Variants in ZC3H12D observed in about 807,000 individuals in gnomAD.
ZC3H12D encodes probable ribonuclease ZC3H12D.
ZC3H12D carries 11 observed loss-of-function variants against 24.2 expected under a neutral mutation model. That is an observed-to-expected ratio of 0.46 (90% CI 0.29 to 0.75). The LOEUF (loss-of-function observed/expected upper bound fraction) is 0.75, where lower values mean the gene tolerates loss of function less well. Among genes scored for constraint, ZC3H12D ranks in the 30% least tolerant of loss-of-function variants. ZC3H12D has a pLI of 0.11. For synonymous variants in ZC3H12D, 333 were observed against 341.8 expected (o/e 0.97, Z 0.28); for missense variants, 740 against 767.7 (o/e 0.96, Z 0.43).
At chr6:149,466,744 C>T (rs1336277517) in intron 2 of ZC3H12D, among the ~76,000 whole-genome samples, 1 of 151,986 alleles carries the variant, frequency 6.6e-6, no homozygotes, top group African/African-American at 2.4e-5. Flanking sequence ...GGCGTGGTGG[C>T]GCATGCCTGT....
chr6:149,478,813 C>T (rs1390362235), intron 1 of ZC3H12D, among the ~76,000 whole-genome samples: 2 of 152,136 alleles, frequency 1.3e-5, no homozygotes, highest in East Asian at 1.9e-4. Context: ...GCCATCTTCA[C>T]CCCATACCTG....
At chr6:149,476,314 G>A (rs905256429) in intron 1 of ZC3H12D, among the ~76,000 whole-genome samples, 1 of 152,160 alleles carries the variant, frequency 6.6e-6, no homozygotes, top group African/African-American at 2.4e-5. Flanking sequence ...AGACCGGCCT[G>A]GCCAACATGG....
Position 149,474,344 on chromosome 6 carries a change from G to A in ZC3H12D, c.200C>T (p.Pro67Leu), listed in dbSNP as rs370985020. Residue 67 changes from proline to leucine, a missense_variant, in exon 2 of 6, where the codon CCG (proline) becomes CTG (leucine). By Grantham distance (98) the Pro-to-Leu change is moderately conservative. Coordinates refer to ENST00000409806, the MANE Select transcript of ZC3H12D (RefSeq NM_207360.3). ...CCCCGGGCCACGCTGGGCAGAGTCC[G>A]GGACCCCACAGGAGCCCCGAGGCAC... ...RLVPRGSCGV[P>L]DSAQRGPGTA... The A allele has an allele frequency of 1.9e-5, 31 of 1,605,596 alleles. No individual in the cohort carries two copies. The highest frequency in any genetic ancestry group is 2.4e-5 in the Non-Finnish European group (28 of 1,174,368).
In ZC3H12D at chr6:149,449,764, AGAAG is replaced by A. The variant is rs1320664121; in HGVS notation, c.*915_*918del. On this transcript the variant is annotated 3_prime_UTR_variant, in exon 6 of 6. Transcript: ENST00000409806. ...GAGACTCTGTCTGTTTAAAAAAAGA[AGAAG>A]AAGAAGAAGTAAAAGAAGGCAGCTC... The A allele has an allele frequency of 6.6e-6, 1 of 152,206 alleles. No individual in the cohort carries two copies. The highest frequency in any genetic ancestry group is 1.5e-5 in the Non-Finnish European group (1 of 68,060). 9.4% of individuals were successfully genotyped at this position (152,206 alleles called of 1,614,324 possible).
Position 149,474,399 on chromosome 6 carries a change from C to T in ZC3H12D, c.145G>A (p.Ala49Thr). ...CTGGGTGCAGCCGGGTGCTCCAGGGCACCCGGGCGGCTGCCCGTGCGGATA... is the reference window on the plus strand; with the variant it reads ...CTGGGTGCAGCCGGGTGCTCCAGGGTACCCGGGCGGCTGCCCGTGCGGATA... ...ELIRTGSRPG[A>T]LEHPAAPRLV... The change falls in exon 2 of 6, where the codon GCC (alanine) becomes ACC (threonine). Residue 49 changes from alanine (A) to threonine (T), a missense_variant. Transcript: ENST00000409806. 1 of 1,608,344 alleles carries T rather than the reference C, an allele frequency of 6.2e-7. No homozygotes were observed. The highest frequency in any genetic ancestry group is 8.5e-7 in the Non-Finnish European group (1 of 1,175,736).
chr6:149,473,627 G>A (rs781680406), intron 2 of ZC3H12D, among the ~76,000 whole-genome samples: 1 of 152,212 alleles, frequency 6.6e-6, no homozygotes, highest in Non-Finnish European at 1.5e-5. Flanking sequence ...CGCATCTGCA[G>A]CTCAGGGGGC....
rs1216427251 is a variant in ZC3H12D, at chr6:149,450,835, G to A, written c.1432C>T (p.Arg478Cys). 1.9e-6 allele frequency: 3 copies of A among 1,545,830 alleles called. No homozygotes were observed. The highest frequency in any genetic ancestry group is 2.6e-6 in the Non-Finnish European group (3 of 1,146,686). ...TAGAGCGCGATGCGAGCCCGGGCGC[G>A]CGCGTCCCCCTCGTCGTCCTCGGTC... ...YATEDDEGDA[R>C]ARARIALYSV... is the part of the protein sequence containing the mutation. Residue 478 changes from arginine (R) to cysteine (C), a missense_variant, in exon 6 of 6, where the codon CGC becomes TGC. Coordinates refer to ENST00000409806, the MANE Select transcript of ZC3H12D (RefSeq NM_207360.3).
Position 149,449,051 on chromosome 6 carries a change from G to T in ZC3H12D, c.*1632C>A, listed in dbSNP as rs1330284424. Reference sequence around the variant, plus strand: ...GAGGGCTGGCATGGTAACCAGAATGGGTGGATGCTGCCAGGAGAGGCCAGG... The same window carrying T: ...GAGGGCTGGCATGGTAACCAGAATGTGTGGATGCTGCCAGGAGAGGCCAGG... On this transcript the variant is annotated 3_prime_UTR_variant, in exon 6 of 6. Coordinates refer to ENST00000409806, the MANE Select transcript of ZC3H12D (RefSeq NM_207360.3). 6.6e-6 allele frequency: 1 copy of T among 152,268 alleles called. No homozygotes were observed. Among genetic ancestry groups the T allele is most frequent in the Non-Finnish European group, 1.5e-5 (1 of 68,072 alleles). The allele number at this position is 152,268 out of a possible 1,614,324, so 9.4% of individuals were successfully genotyped here.
chr6:149,476,073 C>T (rs1001036909), intron 1 of ZC3H12D, among the ~76,000 whole-genome samples: 2 of 152,198 alleles, frequency 1.3e-5, no homozygotes, highest in African/African-American at 4.8e-5. Flanking sequence ...TTTCCGCACC[C>T]CTCTAGTGCT....
At position 149,456,849 on chromosome 6, in the gene ZC3H12D, G is replaced by C; in HGVS notation, c.497C>G (p.Pro166Arg). 1 of 1,608,956 alleles carries C rather than the reference G, an allele frequency of 6.2e-7. No homozygotes were observed. The highest frequency in any genetic ancestry group is 8.5e-7 in the Non-Finnish European group (1 of 1,179,670). Reference protein sequence around the residue: ...LERQAVLVYTPSRKVHGKRLV... With the variant: ...LERQAVLVYTRSRKVHGKRLV... ...GCGCTTGCCGTGCACCTTGCGGGACGGCGTGTACACCAGCACCGCCTGCCG... is the reference window on the plus strand; with the variant it reads ...GCGCTTGCCGTGCACCTTGCGGGACCGCGTGTACACCAGCACCGCCTGCCG... Residue 166 changes from proline to arginine, a missense_variant, in exon 4 of 6, where the codon CCG (proline) becomes CGG (arginine). Pro to Arg is a moderately radical substitution (Grantham distance 103, BLOSUM62 -2). Transcript: ENST00000409806. The surrounding 1 kb of genome is among the most constrained non-coding windows in gnomAD (Gnocchi z 4.3).
chr6:149,456,674 G>A lies in ZC3H12D; in HGVS notation c.672C>T (p.Val224=). 6.4e-7 allele frequency: 1 copy of A among 1,558,500 alleles called. No homozygotes were observed. Among genetic ancestry groups the A allele is most frequent in the Non-Finnish European group, 8.7e-7 (1 of 1,143,618 alleles). Residue 224 remains valine, a synonymous_variant, in exon 4 of 6, where the codon GTC becomes GTT. Coordinates refer to ENST00000409806, the MANE Select transcript of ZC3H12D (RefSeq NM_207360.3). The surrounding 1 kb of genome is among the most constrained non-coding windows in gnomAD (Gnocchi z 4.3). ...IEQRLLMFSF[V]NDRFMPPDDP... ...ACCCCAGCCGGACCTACCGGTCGTT[G>A]ACGAAGGAGAACATGAGCAGCCTCT...
rs552038438 is a variant in ZC3H12D, at chr6:149,452,594, C to T, written c.787+22G>A. 5 of 1,511,226 alleles carry T rather than the reference C, an allele frequency of 3.3e-6. No individual in the cohort carries two copies. The highest frequency in any genetic ancestry group is 1.4e-5 in the African/African-American group (1 of 71,822). 93.6% of individuals were successfully genotyped at this position (1,511,226 alleles called of 1,614,324 possible). ...CACACAAGGCCCTGAACAGGGCCTG[C>T]GAAGCACTGGGCCCTACCCACCATA... is the stretch of plus-strand genomic sequence containing the variant. On this transcript the variant is annotated intron_variant, in intron 5 of 5. Coordinates refer to ENST00000409806, the MANE Select transcript of ZC3H12D (RefSeq NM_207360.3). This position sits in a 1 kb window ranked among gnomAD's most constrained non-coding sequence, Gnocchi z 4.0.
intron 2 of ZC3H12D, among the ~76,000 whole-genome samples, chr6:149,464,860 C>T (rs957353014): frequency 4.6e-5 from 7 of 152,052 alleles, no homozygotes; most frequent in South Asian, 2.1e-4. Context: ...GGAATGAGCC[C>T]GGGCAACAGG....
At chr6:149,460,548 G>C (rs2341772) in intron 3 of ZC3H12D, among the ~76,000 whole-genome samples, 2,912 of 152,166 alleles carry the variant, frequency 0.019, 198 homozygotes, top group Admixed American at 0.13. Flanking sequence ...ACAAAAACTA[G>C]CTAGGGCAGG....
chr6:149,456,253 A>AAAAATAAAAT lies in ZC3H12D; in HGVS notation c.680+403_680+412dup, dbSNP rs200879087. On this transcript the variant is annotated intron_variant, in intron 4 of 5. Transcript: ENST00000409806. This position sits in a 1 kb window ranked among gnomAD's most constrained non-coding sequence, Gnocchi z 4.3. ...GGTGACAGAGCAAGACTCCATCTCA[A>AAAAATAAAAT]AAAATAAAATAAAATAAAATAAAAT... Among the ~76,000 whole-genome samples, 16,042 of 149,970 alleles carry AAAAATAAAAT rather than the reference A, an allele frequency of 0.11. 1,048 individuals carry two copies. Among genetic ancestry groups the AAAAATAAAAT allele is most frequent in the Non-Finnish European group, 0.14 (9,544 of 67,478 alleles).
chr6:149,455,954 T>TAAA (rs368705273), intron 4 of ZC3H12D, among the ~76,000 whole-genome samples: 26 of 141,924 alleles, frequency 1.8e-4, no homozygotes, highest in African/African-American at 6.0e-4. Flanking sequence ...AATTTTGATT[T>TAAA]AAAAAAAAAA....
chr6:149,469,382 C>A (rs941789414), intron 2 of ZC3H12D, among the ~76,000 whole-genome samples: 5 of 151,844 alleles, frequency 3.3e-5, no homozygotes, highest in Non-Finnish European at 7.4e-5. Flanking sequence ...GGCGTGAACC[C>A]GGGAGGCGGA....
chr6:149,464,513 T>C (rs963344803), intron 2 of ZC3H12D, among the ~76,000 whole-genome samples: 1 of 152,162 alleles, frequency 6.6e-6, no homozygotes, highest in African/African-American at 2.4e-5. Flanking sequence ...CCTAGACTCC[T>C]GCAGATCCCT....
In ZC3H12D at chr6:149,456,655, G is replaced by A; in HGVS notation, c.680+11C>T. On this transcript the variant is annotated intron_variant, in intron 4 of 5. Coordinates refer to ENST00000409806, the MANE Select transcript of ZC3H12D (RefSeq NM_207360.3). This position sits in a 1 kb window ranked among gnomAD's most constrained non-coding sequence, Gnocchi z 4.3. Reference sequence around the variant, plus strand: ...CGCCCCCCAGGGTGTCAGGACCCCAGCCGGACCTACCGGTCGTTGACGAAG... The same window carrying A: ...CGCCCCCCAGGGTGTCAGGACCCCAACCGGACCTACCGGTCGTTGACGAAG... The A allele has an allele frequency of 9.1e-7, 1 of 1,094,952 alleles. No individual in the cohort carries two copies. The highest frequency in any genetic ancestry group is 1.3e-6 in the Non-Finnish European group (1 of 758,514). The allele number at this position is 1,094,952 out of a possible 1,614,324, so 67.8% of individuals were successfully genotyped here.
Sources: allele counts gnomAD v4.1 joint callset (sites outside exome capture counted in the v4.1 genomes callset), GRCh38; gene constraint gnomAD v4.1.1; non-coding constraint Gnocchi (gnomAD v3.1); transcripts MANE v1.5; gene names NCBI Gene and HGNC (gene_info 2026-07-23, HGNC 2026-07-21).